The following CA10 variants were observed in gnomAD, a reference collection of about 807,000 sequenced individuals.
The protein encoded by CA10 is carbonic anhydrase-related protein 10.
A neutral mutation model predicts 44.2 loss-of-function variants in CA10; 14 were observed. The ratio of observed to expected loss-of-function variants is 0.32; its 90% CI spans 0.21 to 0.50. The LOEUF (loss-of-function observed/expected upper bound fraction) is 0.50. CA10 is among the 20% of genes least tolerant of loss of function. CA10 has a pLI of 0.99. For missense variants in CA10, 350 were observed against 409.7 expected, an observed-to-expected ratio of 0.85 and a Z score of 1.26; for synonymous variants, 159 against 141.6, an observed-to-expected ratio of 1.12 and a Z score of -0.87.
chr17:51,988,208 A>G (rs1984913436), intron 2 of CA10, among the ~76,000 whole-genome samples: 1 of 152,050 alleles, frequency 6.6e-6, no homozygotes, highest in African/African-American at 2.4e-5. Flanking sequence ...CACTAAGTTA[A>G]AAAAGAAAAA....
chr17:51,956,539 C>T (rs1052909667), intron 2 of CA10, among the ~76,000 whole-genome samples: 1 of 152,092 alleles, frequency 6.6e-6, no homozygotes, highest in African/African-American at 2.4e-5. Flanking sequence ...GAAATTTTAG[C>T]TTCTCATTTG....
At chr17:52,093,560 C>G (rs1043456761) in intron 1 of CA10, among the ~76,000 whole-genome samples, 1 of 152,156 alleles carries the variant, frequency 6.6e-6, no homozygotes, top group Non-Finnish European at 1.5e-5. Context: ...TTAATCATCA[C>G]TTAACTTTTG....
chr17:52,080,251 G>C (rs1047114749), intron 1 of CA10, among the ~76,000 whole-genome samples: 1 of 152,078 alleles, frequency 6.6e-6, no homozygotes, highest in Non-Finnish European at 1.5e-5. Context: ...AGGGGATAGA[G>C]ACCATCCTGG....
At chr17:52,105,333 C>T (rs1334760712) in intron 1 of CA10, among the ~76,000 whole-genome samples, 1 of 151,994 alleles carries the variant, frequency 6.6e-6, no homozygotes, top group African/African-American at 2.4e-5. Context: ...CGGCTCAGTG[C>T]AAGCTCCGCC....
rs192790829 is a variant in CA10, at chr17:52,045,975, T to G, written c.136+26344A>C. ...TATTTGGCACTCAACTAGTGTATTTTAAATAACTCATGGGTCAAAAATTAC... is the reference window on the plus strand; with the variant it reads ...TATTTGGCACTCAACTAGTGTATTTGAAATAACTCATGGGTCAAAAATTAC... On this transcript the variant is annotated intron_variant, in intron 2 of 8. Transcript: ENST00000451037. Among the ~76,000 whole-genome samples, 184 of 152,072 alleles carry G rather than the reference T, an allele frequency of 1.2e-3. 5 individuals are homozygous for G. In the South Asian group the frequency reaches 0.023, roughly 19 times the overall value.
intron 4 of CA10, among the ~76,000 whole-genome samples, chr17:51,721,298 C>T (rs1209684941): frequency 1.3e-5 from 2 of 152,178 alleles, no homozygotes; most frequent in African/African-American, 4.8e-5. Context: ...TGCCATTGCA[C>T]TGCAGCCTGG....
intron 1 of CA10, among the ~76,000 whole-genome samples, chr17:52,088,711 T>C (rs1471586239): frequency 6.6e-6 from 1 of 152,200 alleles, no homozygotes; most frequent in Non-Finnish European, 1.5e-5. Flanking sequence ...AACAATAGGT[T>C]TTCTCAAATT....
rs1437522744 is a variant in CA10 at position 51,785,351 on chromosome 17, G to A, written c.280-37533C>T. On this transcript the variant is annotated intron_variant, in intron 3 of 8. Coordinates refer to ENST00000451037, the MANE Select transcript of CA10 (RefSeq NM_020178.5). The stretch of plus-strand genomic sequence containing the variant: ...AAAATGTAATCCAACTTAAAAATGA[G>A]CAAAATATTTGAATAGACATTTCTC... 4.6e-5 allele frequency among the ~76,000 whole-genome samples: 7 copies of A among 152,220 alleles called. No individual in the cohort carries two copies. The East Asian group carries it at 9.6e-4, about 21-fold the overall frequency.
chr17:51,891,015 G>A (rs749485544), intron 3 of CA10, among the ~76,000 whole-genome samples: 4 of 150,822 alleles, frequency 2.7e-5, no homozygotes, highest in Non-Finnish European at 5.9e-5. Flanking sequence ...AGGAAAGATG[G>A]AATTCCAGAT....
At chr17:51,869,197 G>A (rs1373334074) in intron 3 of CA10, among the ~76,000 whole-genome samples, 1 of 152,080 alleles carries the variant, frequency 6.6e-6, no homozygotes. Flanking sequence ...AGATTAAGAA[G>A]TTCATCTCTA....
At chr17:51,822,860 T>C (rs1400710356) in intron 3 of CA10, among the ~76,000 whole-genome samples, 1 of 152,090 alleles carries the variant, frequency 6.6e-6, no homozygotes, top group Non-Finnish European at 1.5e-5. Flanking sequence ...CTCAAACGAA[T>C]GAAAGGTCAT....
chr17:51,812,648 A>G (rs954627805), intron 3 of CA10, among the ~76,000 whole-genome samples: 2 of 152,242 alleles, frequency 1.3e-5, no homozygotes, highest in African/African-American at 4.8e-5. Flanking sequence ...AAGGAAATTA[A>G]TTATCTAAAC....
At chr17:51,951,753 C>CT (rs1304178380) in intron 2 of CA10, among the ~76,000 whole-genome samples, 3 of 152,142 alleles carry the variant, frequency 2.0e-5, no homozygotes, top group Non-Finnish European at 2.9e-5. Flanking sequence ...CAGATGTACT[C>CT]TAAGAGTTGC....
chr17:52,155,309 C>T (rs1598244382), intron 1 of CA10, among the ~76,000 whole-genome samples: 1 of 152,266 alleles, frequency 6.6e-6, no homozygotes, highest in East Asian at 1.9e-4. Flanking sequence ...TCTATGATCA[C>T]AGGGTTATGT....
rs138813626 is a variant in CA10, at chr17:51,755,470, A to G, written c.280-7652T>C. On this transcript the variant is annotated intron_variant, in intron 3 of 8. Transcript: ENST00000451037. ...GCTACTTGCTTGATGTGACACAAAG[A>G]TTATGTGAGGTTTCCGATATGTTCT... 1.2e-4 allele frequency among the ~76,000 whole-genome samples: 18 copies of G among 152,336 alleles called. No homozygotes were observed. The East Asian group carries it at 3.3e-3, about 28-fold the overall frequency.
intron 2 of CA10, among the ~76,000 whole-genome samples, chr17:51,946,234 A>T (rs1020631229): frequency 6.6e-6 from 1 of 152,196 alleles, no homozygotes; most frequent in Non-Finnish European, 1.5e-5. Context: ...TTTTATTAAC[A>T]TGGTAATTAC....
At chr17:52,003,405 T>A (rs1051248691) in intron 2 of CA10, among the ~76,000 whole-genome samples, 5 of 151,924 alleles carry the variant, frequency 3.3e-5, no homozygotes, top group Non-Finnish European at 5.9e-5. Context: ...AGAGCCAGAT[T>A]GCATATGTAT....
chr17:51,656,803 G>T (rs1913812060), intron 4 of CA10, among the ~76,000 whole-genome samples: 1 of 152,164 alleles, frequency 6.6e-6, no homozygotes, highest in Non-Finnish European at 1.5e-5. Flanking sequence ...GCACGCTAAA[G>T]TTTCAGAAGT....
intron 1 of CA10, among the ~76,000 whole-genome samples, chr17:52,132,983 G>A (rs894901041): frequency 3.9e-5 from 6 of 152,154 alleles, no homozygotes; most frequent in Admixed American, 1.3e-4. Context: ...CAGGAGTAGC[G>A]CAGAGGACCA....
Sources: allele counts gnomAD v4.1 joint callset (sites outside exome capture counted in the v4.1 genomes callset), GRCh38; gene constraint gnomAD v4.1.1; transcripts MANE v1.5; gene names NCBI Gene and HGNC (gene_info 2026-07-23, HGNC 2026-07-21).